The following NR1I2 variants were observed in gnomAD, a reference collection of about 807,000 sequenced individuals.
NR1I2 encodes nuclear receptor subfamily 1 group I member 2.
In NR1I2, 42 loss-of-function variants were observed where a neutral mutation model predicts 43.3. The observed-to-expected ratio is 0.97, with a 90% confidence interval of 0.76 to 1.26. The LOEUF (loss-of-function observed/expected upper bound fraction) is 1.26. Among genes scored for constraint, NR1I2 ranks in the 50% most tolerant of loss-of-function variants. NR1I2 has a pLI of 0.00. For missense variants in NR1I2, 559 were observed against 566.7 expected, an observed-to-expected ratio of 0.99 and a Z score of 0.14; for synonymous variants, 229 against 215.0, an observed-to-expected ratio of 1.06 and a Z score of -0.57.
At chr3:119,790,250 T>C (rs2054900544) in intron 1 of NR1I2, among the ~76,000 whole-genome samples, 1 of 152,204 alleles carries the variant, frequency 6.6e-6, no homozygotes, top group Admixed American at 6.5e-5. Context: ...TTCCTTTTTT[T>C]TAAGGCTGAC....
At chr3:119,791,419 T>C (rs1206594874) in intron 1 of NR1I2, among the ~76,000 whole-genome samples, 1 of 152,210 alleles carries the variant, frequency 6.6e-6, no homozygotes, top group Non-Finnish European at 1.5e-5. Context: ...ACACCATTTG[T>C]CCCCTTGTGT....
chr3:119,809,269 C>T (rs2055201335), intron 2 of NR1I2, among the ~76,000 whole-genome samples: 2 of 152,200 alleles, frequency 1.3e-5, no homozygotes, highest in Non-Finnish European at 1.5e-5. Flanking sequence ...GGCAGGACTT[C>T]CGGGCTGGGA....
At chr3:119,811,269 G>A (rs190364605) in intron 3 of NR1I2, 43 of 380,052 alleles carry the variant, frequency 1.1e-4, no homozygotes, top group African/African-American at 2.6e-4. Context: ...TCTGAAGCCC[G>A]TGCTCTTGCC....
intron 1 of NR1I2, chr3:119,782,892 C>T (rs772676725): frequency 6.6e-7 from 1 of 1,515,056 alleles, no homozygotes; most frequent in East Asian, 2.3e-5. Flanking sequence ...GCACCTTGTC[C>T]CACAGAACCG....
chr3:119,804,665 C>T (rs1199784897), intron 1 of NR1I2, among the ~76,000 whole-genome samples: 1 of 151,848 alleles, frequency 6.6e-6, no homozygotes, highest in African/African-American at 2.4e-5. Flanking sequence ...AGGCTGGTCT[C>T]TAACTCCTAA....
chr3:119,803,721 A>T (rs116562563), intron 1 of NR1I2, among the ~76,000 whole-genome samples: 264 of 151,326 alleles, frequency 1.7e-3, no homozygotes, highest in African/African-American at 6.3e-3. Flanking sequence ...TGAACCTAAG[A>T]TTGCTGCAGC....
chr3:119,797,186 ATG>A (rs60261128), intron 1 of NR1I2, among the ~76,000 whole-genome samples: 3,427 of 145,166 alleles, frequency 0.024, 124 homozygotes, highest in African/African-American at 0.083. Flanking sequence ...GCACAAAGAT[ATG>A]TGTGTGTGTG....
In NR1I2 at chr3:119,811,648, G is replaced by A; in HGVS notation, c.441G>A (p.Gln147=). The A allele has an allele frequency of 6.2e-7, 1 of 1,614,050 alleles. No homozygotes were observed. The highest frequency in any genetic ancestry group is 8.5e-7 in the Non-Finnish European group (1 of 1,179,978). ...GAGTGCAGGGGCTGACAGAGGAGCA[G>A]CGGATGATGATCAGGGAGCTGATGG... The change falls in exon 4 of 9, where the codon CAG becomes CAA. Residue 147 remains glutamine, a synonymous_variant. Coordinates refer to ENST00000393716, the MANE Select transcript of NR1I2 (RefSeq NM_003889.4).
intron 1 of NR1I2, among the ~76,000 whole-genome samples, chr3:119,800,564 A>G (rs960585639): frequency 1.3e-5 from 2 of 151,780 alleles, no homozygotes; most frequent in African/African-American, 2.4e-5. Flanking sequence ...TTTATTTTTC[A>G]TTAATCATAG....
At chr3:119,813,452 G>A (rs1282212271) in intron 5 of NR1I2, among the ~76,000 whole-genome samples, 1 of 152,158 alleles carries the variant, frequency 6.6e-6, no homozygotes, top group Middle Eastern at 3.2e-3. Context: ...AACAACCATC[G>A]GGCAACTGGG....
chr3:119,816,408 C>CACA (rs1357066510), intron 8 of NR1I2, among the ~76,000 whole-genome samples: 1 of 152,154 alleles, frequency 6.6e-6, no homozygotes, highest in African/African-American at 2.4e-5. Context: ...CCCTAACCTC[C>CACA]ACAACGACTC....
chr3:119,805,469 G>A (rs1234576909), intron 1 of NR1I2, among the ~76,000 whole-genome samples: 1 of 152,146 alleles, frequency 6.6e-6, no homozygotes, highest in Non-Finnish European at 1.5e-5. Flanking sequence ...GGCGGAGGCT[G>A]AGGCGGGCAG....
chr3:119,788,354 G>C (rs530576692), intron 1 of NR1I2, among the ~76,000 whole-genome samples: 1 of 152,178 alleles, frequency 6.6e-6, no homozygotes, highest in Non-Finnish European at 1.5e-5. Flanking sequence ...CTGGCCTCAA[G>C]TGATCCTCCT....
At chr3:119,784,063 G>A (rs1449817142) in intron 1 of NR1I2, among the ~76,000 whole-genome samples, 2 of 152,116 alleles carry the variant, frequency 1.3e-5, no homozygotes, top group Non-Finnish European at 2.9e-5. Context: ...TGCACGTATT[G>A]CACTAGAGGA....
intron 1 of NR1I2, among the ~76,000 whole-genome samples, chr3:119,799,154 G>A (rs1442748290): frequency 1.3e-5 from 2 of 152,168 alleles, no homozygotes; most frequent in African/African-American, 4.8e-5. Context: ...TTACACTCCT[G>A]CTAGCAGTGC....
chr3:119,813,752 G>A (rs1014551175), intron 5 of NR1I2, among the ~76,000 whole-genome samples: 5 of 152,018 alleles, frequency 3.3e-5, no homozygotes, highest in African/African-American at 1.2e-4. Flanking sequence ...TTGGAATGGG[G>A]TTCAGATGGT....
intron 1 of NR1I2, among the ~76,000 whole-genome samples, chr3:119,798,236 G>A (rs2055026583): frequency 6.6e-6 from 1 of 151,692 alleles, no homozygotes; most frequent in Non-Finnish European, 1.5e-5. Flanking sequence ...TCTGTGCTTC[G>A]GTTTATATAT....
chr3:119,807,460 A>G lies in NR1I2; in HGVS notation c.197+13A>G. 1.2e-6 allele frequency: 2 copies of G among 1,610,640 alleles called. No individual in the cohort carries two copies. Among genetic ancestry groups the G allele is most frequent in the Non-Finnish European group, 1.7e-6 (2 of 1,178,242 alleles). ...AGGGCTTTTTCAGGTAGAGTTACCC[A>G]TCAGCCTTCACCCACGTGCCACCAC... On this transcript the variant is annotated intron_variant, in intron 2 of 8. Transcript: ENST00000393716.
At chr3:119,810,002 C>A in intron 2 of NR1I2, 59 bp from the exon 3 acceptor site, 1 of 1,609,074 alleles carries the variant, frequency 6.2e-7, no homozygotes. Context: ...GGCCCGGAGC[C>A]CCAGGCCGAG....
Sources: allele counts gnomAD v4.1 joint callset (sites outside exome capture counted in the v4.1 genomes callset), GRCh38; gene constraint gnomAD v4.1.1; transcripts MANE v1.5; gene names NCBI Gene and HGNC (gene_info 2026-07-23, HGNC 2026-07-21).